The following ZNF652 variants were observed in gnomAD, a reference collection of about 807,000 sequenced individuals.
The protein encoded by ZNF652 is zinc finger protein 652.
In ZNF652, 16 loss-of-function variants were observed where a neutral mutation model predicts 45.2. That is an observed-to-expected ratio of 0.35 (90% CI 0.24 to 0.54). The LOEUF (loss-of-function observed/expected upper bound fraction) is 0.54. Among genes scored for constraint, ZNF652 ranks in the 20% least tolerant of loss-of-function variants. The pLI is 0.91. For missense variants in ZNF652, 614 were observed against 765.6 expected (o/e 0.80, Z 2.34); for synonymous variants, 250 against 260.6 (o/e 0.96, Z 0.39).
At chr17:49,351,014 TACACACACACACACACAC>T (rs370792940) in intron 1 of ZNF652, among the ~76,000 whole-genome samples, 850 of 29,598 alleles carry the variant, frequency 0.029, 27 homozygotes, top group African/African-American at 0.075. Flanking sequence ...TATATATATA[TACACACACACACACACAC>T]ACACACACAC....
chr17:49,289,002 G>T (rs549663462), downstream of ZNF652, among the ~76,000 whole-genome samples: 80 of 152,160 alleles, frequency 5.3e-4, no homozygotes, highest in Non-Finnish European at 7.5e-4. Flanking sequence ...TTGGTTAACA[G>T]CCTTGAAAAC....
chr17:49,350,541 CA>C (rs11349262), intron 1 of ZNF652, among the ~76,000 whole-genome samples: 70,198 of 135,454 alleles, frequency 0.52, 17,010 homozygotes, highest in Non-Finnish European at 0.57. Flanking sequence ...GACTCCGCCT[CA>C]AAAAAAAAAA....
intron 1 of ZNF652, among the ~76,000 whole-genome samples, chr17:49,336,782 A>G (rs2070087374): frequency 6.6e-6 from 1 of 151,602 alleles, no homozygotes; most frequent in Non-Finnish European, 1.5e-5. Context: ...GCATGCTACC[A>G]CACCCAGCTA....
At chr17:49,313,987 A>AAAAAAAAAAAAAAAAAAAAAAAAAAAG (rs2069759026) in intron 2 of ZNF652, among the ~76,000 whole-genome samples, 1 of 55,420 alleles carries the variant, frequency 1.8e-5, no homozygotes, top group Non-Finnish European at 3.8e-5. Flanking sequence ...AAAAAAAAAA[A>AAAAAAAAAAAAAAAAAAAAAAAAAAAG]AAAAAAAAAA....
At position 49,296,728 on chromosome 17, in the gene ZNF652, G is replaced by A. The variant is rs1567910453; in HGVS notation, c.*1685C>T. 6.6e-6 allele frequency: 1 copy of A among 151,790 alleles called. No homozygotes were observed. Among genetic ancestry groups the A allele is most frequent in the Non-Finnish European group, 1.5e-5 (1 of 68,020 alleles). 9.4% of individuals were successfully genotyped at this position (151,790 alleles called of 1,614,324 possible). A position where few individuals can be genotyped will look rare whatever the true frequency, so the allele number is the denominator to read the frequency against. The stretch of plus-strand genomic sequence containing the variant: ...CACTCTAGCCTGGGCAACATAGCAA[G>A]ACCTTGTCTCTTAAAAAAAAAATTG... On this transcript the variant is annotated 3_prime_UTR_variant, in exon 6 of 6. Transcript: ENST00000430262.
rs537072328 is a variant in ZNF652 at position 49,307,482 on chromosome 17, T to G, written c.1309+3830A>C. Among the ~76,000 whole-genome samples, 70 of 137,496 alleles carry G rather than the reference T, an allele frequency of 5.1e-4. 1 individual carries two copies. Among genetic ancestry groups the G allele is most frequent in the African/African-American group, 1.9e-3 (69 of 36,308 alleles). The allele number at this position is 137,496 out of a possible 152,430, so 90.2% of individuals were successfully genotyped here. Reference sequence around the variant, plus strand: ...AAAGGCCAGGCACAGTGGCTCAAGCTTGTAATCCCAGCACTTTGGGAGGTC... The same window carrying G: ...AAAGGCCAGGCACAGTGGCTCAAGCGTGTAATCCCAGCACTTTGGGAGGTC... On this transcript the variant is annotated intron_variant, in intron 5 of 5. Coordinates refer to ENST00000430262, the MANE Select transcript of ZNF652 (RefSeq NM_001145365.3).
rs1423439099 is a variant in ZNF652 at position 49,297,327 on chromosome 17, AGACGT to A, written c.*1081_*1085del. ...ACAATTCCTAAGGGAAGTGAGAAAC[AGACGT>A]GACTGAGATGAAATGATCTCCACTA... On this transcript the variant is annotated 3_prime_UTR_variant, in exon 6 of 6. Transcript: ENST00000430262. 3 of 152,678 alleles carry A rather than the reference AGACGT, an allele frequency of 2.0e-5. No homozygotes were observed. Among genetic ancestry groups the A allele is most frequent in the African/African-American group, 7.2e-5 (3 of 41,466 alleles). The allele number at this position is 152,678 out of a possible 1,614,324, so 9.5% of individuals were successfully genotyped here. A position where few individuals can be genotyped will look rare whatever the true frequency, so the allele number is the denominator to read the frequency against.
chr17:49,332,520 C>T (rs1261673105), intron 1 of ZNF652, among the ~76,000 whole-genome samples: 2 of 152,182 alleles, frequency 1.3e-5, no homozygotes, highest in Non-Finnish European at 2.9e-5. Flanking sequence ...GGAACACACA[C>T]AATTTTACAA....
intron 5 of ZNF652, among the ~76,000 whole-genome samples, chr17:49,302,994 T>C (rs1038254028): frequency 1.5e-4 from 22 of 151,570 alleles, no homozygotes; most frequent in Non-Finnish European, 2.9e-5. Flanking sequence ...AAAGCATGCA[T>C]GGTATTATCT....
At chr17:49,333,010 C>T (rs1182844978) in intron 1 of ZNF652, among the ~76,000 whole-genome samples, 1 of 151,740 alleles carries the variant, frequency 6.6e-6, no homozygotes, top group Non-Finnish European at 1.5e-5. Context: ...TGCACTCTGG[C>T]CTGGGCAACA....
At chr17:49,319,538 C>T (rs1380643050) in intron 1 of ZNF652, among the ~76,000 whole-genome samples, 1 of 144,612 alleles carries the variant, frequency 6.9e-6, no homozygotes, top group African/African-American at 2.6e-5. Flanking sequence ...GAGACGGAGG[C>T]AGGAGAATCG....
At chr17:49,311,182 G>T in intron 5 of ZNF652, 130 bp downstream of exon 5, 1 of 910,246 alleles carries the variant, frequency 1.1e-6, no homozygotes, top group Non-Finnish European at 1.7e-6. Flanking sequence ...TTACATATTA[G>T]GTTTATTTAA....
chr17:49,359,701 A>T (rs1156510888), intron 1 of ZNF652, among the ~76,000 whole-genome samples: 1 of 152,196 alleles, frequency 6.6e-6, no homozygotes, highest in Non-Finnish European at 1.5e-5. Flanking sequence ...TCACCTGCTT[A>T]TTGATAGAAT....
intron 5 of ZNF652, among the ~76,000 whole-genome samples, chr17:49,303,302 G>A (rs1048012356): frequency 2.7e-5 from 4 of 145,788 alleles, no homozygotes; most frequent in African/African-American, 5.2e-5. Context: ...GTGCAGTGGT[G>A]TGATCTCGGC....
chr17:49,307,957 T>C (rs1317683224), intron 5 of ZNF652, among the ~76,000 whole-genome samples: 1 of 152,148 alleles, frequency 6.6e-6, no homozygotes, highest in Non-Finnish European at 1.5e-5. Context: ...AAAAGCAGGT[T>C]ACAACAGAGT....
rs544870949 is a variant in ZNF652 at position 49,292,351 on chromosome 17, A to G, written c.*6062T>C. Among the ~76,000 whole-genome samples, 1 of 152,226 alleles carries G rather than the reference A, an allele frequency of 6.6e-6. No homozygotes were observed. The highest frequency in any genetic ancestry group is 1.5e-5 in the Non-Finnish European group (1 of 68,040). On this transcript the variant is annotated 3_prime_UTR_variant, in exon 6 of 6. Transcript: ENST00000430262. ...TGTTTCATCACGGAGGTGCTCGATC[A>G]TATTATATAAAACACTGCAACCTCC...
intron 1 of ZNF652, among the ~76,000 whole-genome samples, chr17:49,341,173 A>G (rs950592588): frequency 6.6e-6 from 1 of 152,100 alleles, no homozygotes; most frequent in African/African-American, 2.4e-5. Context: ...AGTCGAGATC[A>G]GGCCACTGTA....
chr17:49,335,603 G>T (rs745313633), intron 1 of ZNF652, among the ~76,000 whole-genome samples: 1 of 151,866 alleles, frequency 6.6e-6, no homozygotes, highest in Admixed American at 6.6e-5. Flanking sequence ...TTGCATTGAG[G>T]TCATACTTTA....
intron 1 of ZNF652, among the ~76,000 whole-genome samples, chr17:49,351,457 G>A (rs2070282313): frequency 6.6e-6 from 1 of 151,922 alleles, no homozygotes; most frequent in South Asian, 2.1e-4. Context: ...CAGGCATACT[G>A]TATAACCATC....
Sources: gnomAD v4.1 joint callset for allele counts (sites outside exome capture counted in the v4.1 genomes callset) on GRCh38, gnomAD v4.1.1 for gene constraint, MANE v1.5 for transcripts, NCBI Gene and HGNC (gene_info 2026-07-23, HGNC 2026-07-21) for gene names.